DENND3: variants seen among roughly 807,000 people sequenced by gnomAD.
DENND3 encodes the protein DENN domain-containing protein 3.
Under a neutral mutation model 135.1 loss-of-function variants are expected in DENND3, and 88 were observed. That is an observed-to-expected ratio of 0.65 (90% CI 0.55 to 0.78). The LOEUF (loss-of-function observed/expected upper bound fraction) is 0.78. DENND3 is among the 30% of genes least tolerant of loss of function. DENND3 has a pLI of 0.00. For synonymous variants in DENND3, 693 were observed against 712.3 expected (o/e 0.97, Z 0.43); for missense variants, 1,392 against 1,688.4 (o/e 0.82, Z 3.08).
intron 10 of DENND3, among the ~76,000 whole-genome samples, chr8:141,164,258 T>A (rs1589633709): frequency 6.6e-6 from 1 of 152,194 alleles, no homozygotes; most frequent in Non-Finnish European, 1.5e-5. Flanking sequence ...TGGGACAGAG[T>A]GCGCTTTGTT....
At chr8:141,183,582 CT>C (rs373496192) in intron 17 of DENND3, among the ~76,000 whole-genome samples, 2,268 of 151,396 alleles carry the variant, frequency 0.015, 57 homozygotes, top group African/African-American at 0.05. Flanking sequence ...AAAGAAGACA[CT>C]TTTTTTTTCC....
chr8:141,177,821 G>A, intron 15 of DENND3: 1 of 387,268 alleles, frequency 2.6e-6, no homozygotes, highest in East Asian at 4.6e-5. Flanking sequence ...CACAAAGCTT[G>A]AAATGCCTCC....
chr8:141,170,722 G>A (rs1185047261), intron 13 of DENND3, among the ~76,000 whole-genome samples: 8 of 152,344 alleles, frequency 5.3e-5, no homozygotes, highest in African/African-American at 1.9e-4. Context: ...CACCTGGGGG[G>A]CAGGGCAGGG....
Position 141,151,605 on chromosome 8 carries a change from G to A in DENND3, c.856-14G>A, listed in dbSNP as rs781307331. 164 of 1,612,632 alleles carry A rather than the reference G, an allele frequency of 1.0e-4. 1 individual carries two copies. In the South Asian group the frequency reaches 1.1e-3, roughly 11 times the overall value. On this transcript the variant is annotated splice_polypyrimidine_tract_variant and intron_variant, in intron 6 of 22. Coordinates refer to ENST00000519811, the MANE Select transcript of DENND3 (RefSeq NM_001352890.3). ...TTAAAAGCATGTACTCAGTGCGGCG[G>A]GTTCTCCCCTCAGATCCTGACATGC...
At position 141,168,475 on chromosome 8, in the gene DENND3, T is replaced by C. The variant is rs1458863149; in HGVS notation, c.2225T>C (p.Ile742Thr). Reference sequence around the variant, plus strand: ...ATGAAGCGGGTCCAGGAGTCAGGGATCGTGAAGGACGCCAGCATCATACAC... The same window carrying C: ...ATGAAGCGGGTCCAGGAGTCAGGGACCGTGAAGGACGCCAGCATCATACAC... The part of the protein sequence containing the change: ...DFMKRVQESG[I>T]VKDASIIHRL... Residue 742 changes from isoleucine (I) to threonine (T), a missense_variant, in exon 13 of 23, where the codon ATC becomes ACC. Transcript: ENST00000519811. This position sits in a 1 kb window ranked among gnomAD's most constrained non-coding sequence, Gnocchi z 6.2. The C allele has an allele frequency of 1.2e-6, 2 of 1,613,440 alleles. No individual in the cohort carries two copies. Among genetic ancestry groups the C allele is most frequent in the South Asian group, 2.2e-5 (2 of 91,076 alleles).
intron 5 of DENND3, among the ~76,000 whole-genome samples, chr8:141,148,659 C>A (rs902274777): frequency 6.6e-6 from 1 of 152,108 alleles, no homozygotes; most frequent in Admixed American, 6.5e-5. Context: ...CAGCCCACTT[C>A]AGAGAGTATG....
chr8:141,150,112 C>T (rs1198698856), intron 5 of DENND3, among the ~76,000 whole-genome samples: 2 of 152,230 alleles, frequency 1.3e-5, no homozygotes, highest in Non-Finnish European at 2.9e-5. Context: ...GTCCATTACG[C>T]TCGTTTCCTG....
At chr8:141,188,862 G>T in intron 18 of DENND3, 124 bp from the exon 19 acceptor site, 1 of 1,320,400 alleles carries the variant, frequency 7.6e-7, no homozygotes, top group African/African-American at 1.5e-5. Flanking sequence ...ACCCTGAGCC[G>T]GCGTGTCCCC....
chr8:141,183,805 C>A (rs1243047174), intron 17 of DENND3, among the ~76,000 whole-genome samples: 4 of 149,078 alleles, frequency 2.7e-5, no homozygotes, highest in African/African-American at 1.0e-4. Context: ...GGCTCCAGGG[C>A]AACGCTCACT....
chr8:141,128,615 C>A lies in DENND3; in HGVS notation c.-93C>A. The A allele has an allele frequency of 1.4e-6, 1 of 721,380 alleles. No individual in the cohort carries two copies. The highest frequency in any genetic ancestry group is 5.0e-5 in the East Asian group (1 of 20,078). 44.7% of individuals were successfully genotyped at this position (721,380 alleles called of 1,614,324 possible). On this transcript the variant is annotated 5_prime_UTR_variant, in exon 1 of 23. Coordinates refer to ENST00000519811, the MANE Select transcript of DENND3 (RefSeq NM_001352890.3). This position sits in a 1 kb window ranked among gnomAD's most constrained non-coding sequence, Gnocchi z 4.5. ...CAGACGGCGCTCGCAGCGCCCCCGG[C>A]CCCCAGGCGGCGCGGCTGGTCCCCA...
At chr8:141,188,024 TA>T (rs1415942111) in intron 18 of DENND3, among the ~76,000 whole-genome samples, 2 of 107,312 alleles carry the variant, frequency 1.9e-5, no homozygotes, top group African/African-American at 7.4e-5. Flanking sequence ...CTATCTCTAC[TA>T]AAACTGCCAA....
chr8:141,195,799 TA>T lies in DENND3; in HGVS notation c.*1569del, dbSNP rs1825249172. ...CTTGTGGAGAATAAATCTGGTTTAA[TA>T]AACACTGATGTCCGGCTCCTTACTT... is the stretch of plus-strand genomic sequence containing the variant. On this transcript the variant is annotated 3_prime_UTR_variant, in exon 23 of 23. Transcript: ENST00000519811. The T allele has an allele frequency of 6.6e-6, 1 of 152,154 alleles. No homozygotes were observed. Among genetic ancestry groups the T allele is most frequent in the African/African-American group, 2.4e-5 (1 of 41,430 alleles). 9.4% of individuals were successfully genotyped at this position (152,154 alleles called of 1,614,324 possible). A position where few individuals can be genotyped will look rare whatever the true frequency, so the allele number is the denominator to read the frequency against.
chr8:141,141,450 G>T lies in DENND3; in HGVS notation c.623+126G>T. ...CTCTCTGTTCCTCTCCTGGTGAGCC[G>T]GGGGACCGGGCGCTGGGGGCAGTAG... On this transcript the variant is annotated intron_variant, in intron 4 of 22. Coordinates refer to ENST00000519811, the MANE Select transcript of DENND3 (RefSeq NM_001352890.3). The surrounding 1 kb of genome is among the most constrained non-coding windows in gnomAD (Gnocchi z 5.3). The T allele has an allele frequency of 8.2e-7, 1 of 1,212,876 alleles. No homozygotes were observed. Among genetic ancestry groups the T allele is most frequent in the Non-Finnish European group, 1.2e-6 (1 of 866,142 alleles). 75.1% of individuals were successfully genotyped at this position (1,212,876 alleles called of 1,614,324 possible).
chr8:141,191,100 T>C (rs1452612091), intron 20 of DENND3, among the ~76,000 whole-genome samples: 2 of 152,246 alleles, frequency 1.3e-5, no homozygotes, highest in Non-Finnish European at 2.9e-5. Flanking sequence ...GTTTGTTGTG[T>C]TTTGACAAAC....
In DENND3 at chr8:141,174,059, C is replaced by T. The variant is rs1370051161; in HGVS notation, c.2276-1141C>T. On this transcript the variant is annotated intron_variant, in intron 13 of 22. Transcript: ENST00000519811. This position sits in a 1 kb window ranked among gnomAD's most constrained non-coding sequence, Gnocchi z 4.6. ...GGAAGGCGTGCGTGGGCATGCCTAC[C>T]TGGGTGTTGAGGGATGGGTAGGAGT... Among the ~76,000 whole-genome samples the T allele has an allele frequency of 2.0e-5, 3 of 152,146 alleles. No homozygotes were observed. Among genetic ancestry groups the T allele is most frequent in the Non-Finnish European group, 4.4e-5 (3 of 68,018 alleles).
At chr8:141,164,794 CGCCAGCCACGA>C (rs1820563971) in intron 10 of DENND3, among the ~76,000 whole-genome samples, 1 of 152,204 alleles carries the variant, frequency 6.6e-6, no homozygotes, top group African/African-American at 2.4e-5. Context: ...GCTGGAGCTG[CGCCAGCCACGA>C]GCCTGCCTCT....
chr8:141,143,598 G>T (rs1028531393), intron 4 of DENND3, among the ~76,000 whole-genome samples: 1 of 152,044 alleles, frequency 6.6e-6, no homozygotes, highest in Non-Finnish European at 1.5e-5. Context: ...AGAGACGGGG[G>T]TCTCACTATC....
chr8:141,176,905 T>C, intron 15 of DENND3, 144 bp downstream of exon 15: 1 of 874,078 alleles, frequency 1.1e-6, no homozygotes, highest in Non-Finnish European at 1.8e-6. Context: ...TCGGACACCA[T>C]CTTGACAGAA....
chr8:141,151,751 C>T lies in DENND3; in HGVS notation c.988C>T (p.Leu330=), dbSNP rs775793114. 1.9e-6 allele frequency: 3 copies of T among 1,614,106 alleles called. No individual in the cohort carries two copies. ...GTGGCAGCACCCCTTCGTGCCCATC[C>T]TGTCGGACCAGATGCTGGATTTCGT... The part of the protein sequence containing the change: ...LQWQHPFVPI[L]SDQMLDFVMA... The change falls in exon 7 of 23, where the codon CTG becomes TTG. Residue 330 remains leucine (L), a synonymous_variant. Coordinates refer to ENST00000519811, the MANE Select transcript of DENND3 (RefSeq NM_001352890.3).
Sources: allele counts gnomAD v4.1 joint callset (sites outside exome capture counted in the v4.1 genomes callset), GRCh38; gene constraint gnomAD v4.1.1; non-coding constraint Gnocchi (gnomAD v3.1); transcripts MANE v1.5; gene names NCBI Gene and HGNC (gene_info 2026-07-23, HGNC 2026-07-21).